Variants in ZRANB3 observed in about 807,000 individuals in gnomAD.
The protein encoded by ZRANB3 is DNA annealing helicase and endonuclease ZRANB3.
ZRANB3 carries 125 observed loss-of-function variants against 133.8 expected under a neutral mutation model. That is an observed-to-expected ratio of 0.93 (90% CI 0.81 to 1.08). The LOEUF (loss-of-function observed/expected upper bound fraction) is 1.08, where lower values mean the gene tolerates loss of function less well. Among genes scored for constraint, ZRANB3 ranks in the 50% least tolerant of loss-of-function variants. The pLI is 0.00. For synonymous variants in ZRANB3, 387 were observed against 432.7 expected (o/e 0.89, Z 1.31); for missense variants, 1,229 against 1,275.5 (o/e 0.96, Z 0.56).
At chr2:135,414,092 C>G (rs1242629608) in intron 2 of ZRANB3, among the ~76,000 whole-genome samples, 2 of 151,800 alleles carry the variant, frequency 1.3e-5, no homozygotes, top group African/African-American at 4.8e-5. Context: ...GGATCAAATT[C>G]ACACATAACA....
rs956919822 is a variant in ZRANB3, at chr2:135,388,915, A to G, written c.180+1887T>C. ...AACACAGTGAAACCCTGTCTTTACT[A>G]AAAATACAAAAAATTAGCCGGGTGT... is the stretch of plus-strand genomic sequence containing the variant. On this transcript the variant is annotated intron_variant, in intron 3 of 20. Coordinates refer to ENST00000264159, the MANE Select transcript of ZRANB3 (RefSeq NM_032143.4). Among the ~76,000 whole-genome samples, 23 of 152,228 alleles carry G rather than the reference A, an allele frequency of 1.5e-4. No individual in the cohort carries two copies. In the East Asian group the frequency reaches 1.9e-3, roughly 13 times the overall value.
chr2:135,316,855 A>G (rs1034991920), intron 6 of ZRANB3, among the ~76,000 whole-genome samples: 1 of 151,544 alleles, frequency 6.6e-6, no homozygotes, highest in Non-Finnish European at 1.5e-5. Context: ...AGTCCCAGCT[A>G]CTCAAGAGGC....
chr2:135,411,212 T>G (rs1405515414), intron 2 of ZRANB3, among the ~76,000 whole-genome samples: 1 of 152,034 alleles, frequency 6.6e-6, no homozygotes, highest in African/African-American at 2.4e-5. Context: ...CACACCAACC[T>G]GGGTGACAGA....
chr2:135,469,821 G>GAT (rs1409825820), intron 2 of ZRANB3, among the ~76,000 whole-genome samples: 2 of 149,386 alleles, frequency 1.3e-5, no homozygotes, highest in Non-Finnish European at 3.0e-5. Flanking sequence ...GACCATCCTG[G>GAT]ATAACACGGT....
Position 135,230,701 on chromosome 2 carries a change from G to C in ZRANB3, c.1766C>G (p.Pro589Arg). The C allele has an allele frequency of 6.2e-7, 1 of 1,612,626 alleles. No individual in the cohort carries two copies. Among genetic ancestry groups the C allele is most frequent in the Admixed American group, 1.7e-5 (1 of 59,814 alleles). ...GGACTGGGATGGTGTCTCTTCCGAC[G>C]GACTGCAGTGGTCTTCCGAGGCAGC... is the stretch of plus-strand genomic sequence containing the variant. ...KLAASEDHCS[P>R]SEETPSQSKQ... Residue 589 changes from proline (P) to arginine (R), a missense_variant, in exon 13 of 21, where the codon CCG (proline) becomes CGG (arginine). Coordinates refer to ENST00000264159, the MANE Select transcript of ZRANB3 (RefSeq NM_032143.4).
At chr2:135,409,374 A>G (rs1376334220) in intron 2 of ZRANB3, among the ~76,000 whole-genome samples, 2 of 152,194 alleles carry the variant, frequency 1.3e-5, no homozygotes, top group Non-Finnish European at 2.9e-5. Flanking sequence ...AACAGAATTA[A>G]AAACAAAAAA....
At chr2:135,416,308 C>A (rs1001446993) in intron 2 of ZRANB3, among the ~76,000 whole-genome samples, 6 of 152,106 alleles carry the variant, frequency 3.9e-5, no homozygotes, top group African/African-American at 1.4e-4. Flanking sequence ...TTCTTATACA[C>A]CATCAACAGA....
At chr2:135,384,772 G>A (rs564648282) in intron 3 of ZRANB3, among the ~76,000 whole-genome samples, 10 of 152,218 alleles carry the variant, frequency 6.6e-5, no homozygotes, top group African/African-American at 2.2e-4. Flanking sequence ...ATGCAGAAAA[G>A]GCCTTTGACA....
Position 135,471,550 on chromosome 2 carries a change from G to A in ZRANB3, c.161+32779C>T, listed in dbSNP as rs115276465. On this transcript the variant is annotated intron_variant, in intron 2 of 20. Transcript: ENST00000264159. ...AATTGCTTCACTGTAACAAAATATC[G>A]TAACTATTTTTAAAAACTTCATATT... 9.9e-3 allele frequency among the ~76,000 whole-genome samples: 1,499 copies of A among 152,126 alleles called. 23 individuals carry two copies. Among genetic ancestry groups the A allele is most frequent in the African/African-American group, 0.034 (1,427 of 41,502 alleles).
chr2:135,440,855 C>T (rs1030746435), intron 2 of ZRANB3, among the ~76,000 whole-genome samples: 2 of 152,116 alleles, frequency 1.3e-5, no homozygotes, highest in Non-Finnish European at 2.9e-5. Flanking sequence ...CGGAAACTAA[C>T]ACTGGGATCC....
At chr2:135,315,130 T>A (rs1366993921) in intron 7 of ZRANB3, among the ~76,000 whole-genome samples, 2 of 151,412 alleles carry the variant, frequency 1.3e-5, no homozygotes, top group Non-Finnish European at 2.9e-5. Context: ...GCAAAAATAC[T>A]TTTTTTTTAA....
chr2:135,419,235 G>T (rs13393892), intron 2 of ZRANB3, among the ~76,000 whole-genome samples: 1 of 151,468 alleles, frequency 6.6e-6, no homozygotes, highest in Non-Finnish European at 1.5e-5. Flanking sequence ...CCGCACCTAG[G>T]CTTTTTTTTT....
chr2:135,408,128 GA>G (rs886193573), intron 2 of ZRANB3, among the ~76,000 whole-genome samples: 1 of 151,350 alleles, frequency 6.6e-6, no homozygotes, highest in Non-Finnish European at 1.5e-5. Flanking sequence ...AAATTTACAA[GA>G]AAAAAACAAA....
At chr2:135,359,747 T>A (rs79246482) in intron 3 of ZRANB3, among the ~76,000 whole-genome samples, 4,116 of 152,276 alleles carry the variant, frequency 0.027, 176 homozygotes, top group African/African-American at 0.092. Context: ...CCAGCTATCT[T>A]TCCTGGTAAG....
intron 12 of ZRANB3, among the ~76,000 whole-genome samples, chr2:135,260,649 CTATA>C (rs1176282351): frequency 1.4e-5 from 2 of 144,910 alleles, no homozygotes; most frequent in Non-Finnish European, 3.0e-5. Flanking sequence ...TATATATGTA[CTATA>C]TATACTTGAA....
In ZRANB3 at chr2:135,513,478, CA is replaced by C. The variant is rs1358832153; in HGVS notation, c.-7-8983del. The stretch of plus-strand genomic sequence containing the variant: ...AATAGGAAAAGAGTAACTTTTTCAA[CA>C]AATAGTGCTGAGACAACTAGATGTT... On this transcript the variant is annotated intron_variant, in intron 1 of 20. Transcript: ENST00000264159. 7.2e-5 allele frequency among the ~76,000 whole-genome samples: 11 copies of C among 152,042 alleles called. No homozygotes were observed. The East Asian group carries it at 2.1e-3, about 29-fold the overall frequency.
At chr2:135,268,934 G>C in intron 11 of ZRANB3, 28 bp downstream of exon 11, 1 of 1,578,860 alleles carries the variant, frequency 6.3e-7, no homozygotes, top group Non-Finnish European at 8.6e-7. Context: ...TAAGTAAGCT[G>C]CTAACTTGAT....
chr2:135,274,047 T>C (rs1414865639), intron 9 of ZRANB3, among the ~76,000 whole-genome samples: 1 of 152,236 alleles, frequency 6.6e-6, no homozygotes, highest in African/African-American at 2.4e-5. Flanking sequence ...AGGGTGTTTT[T>C]CAGAAACTAT....
intron 12 of ZRANB3, among the ~76,000 whole-genome samples, chr2:135,236,056 A>T (rs1313446311): frequency 6.6e-6 from 1 of 152,180 alleles, no homozygotes; most frequent in African/African-American, 2.4e-5. Flanking sequence ...CTCAGCCCAA[A>T]ATCTCCTTAA....
Sources: allele counts gnomAD v4.1 joint callset (sites outside exome capture counted in the v4.1 genomes callset), GRCh38; gene constraint gnomAD v4.1.1; transcripts MANE v1.5; gene names NCBI Gene and HGNC (gene_info 2026-07-23, HGNC 2026-07-21).